Variants in IMPG2 observed in about 807,000 individuals in gnomAD.
IMPG2 encodes IPM 200.
A neutral mutation model predicts 129.2 loss-of-function variants in IMPG2; 91 were observed. The observed-to-expected ratio is 0.70, with a 90% CI of 0.59 to 0.84. The LOEUF (loss-of-function observed/expected upper bound fraction) is 0.84. IMPG2 is among the 40% of genes least tolerant of loss of function. The pLI, the probability that IMPG2 is intolerant of heterozygous loss-of-function variation, is 0.00. For synonymous variants in IMPG2, 510 were observed against 517.7 expected (o/e 0.99, Z 0.20); for missense variants, 1,430 against 1,461.7 (o/e 0.98, Z 0.35).
At chr3:101,230,336 A>C (rs1286903049) in intron 16 of IMPG2, among the ~76,000 whole-genome samples, 1 of 152,190 alleles carries the variant, frequency 6.6e-6, no homozygotes, top group African/African-American at 2.4e-5. Context: ...TTTCCCCATC[A>C]ATGAAGCAAC....
At chr3:101,254,301 A>T (rs72930587) in intron 10 of IMPG2, among the ~76,000 whole-genome samples, 3,288 of 152,256 alleles carry the variant, frequency 0.022, 113 homozygotes, top group African/African-American at 0.075. Context: ...TATTTCAACA[A>T]AAATTTAATG....
chr3:101,300,013 C>T (rs1038424672), intron 3 of IMPG2, among the ~76,000 whole-genome samples: 1 of 152,178 alleles, frequency 6.6e-6, no homozygotes, highest in East Asian at 1.9e-4. Flanking sequence ...AAGACTAAAT[C>T]TACCCGTCCG....
intron 9 of IMPG2, among the ~76,000 whole-genome samples, chr3:101,259,333 C>A (rs752926406): frequency 4.6e-5 from 7 of 152,066 alleles, no homozygotes; most frequent in Non-Finnish European, 1.0e-4. Context: ...CATTCCACAG[C>A]AGCAAACTAT....
At position 101,267,500 on chromosome 3, in the gene IMPG2, C is replaced by T. The variant is rs1483778676; in HGVS notation, c.908+11G>A. 4 of 1,610,284 alleles carry T rather than the reference C, an allele frequency of 2.5e-6. No homozygotes were observed. Among genetic ancestry groups the T allele is most frequent in the Non-Finnish European group, 3.4e-6 (4 of 1,176,748 alleles). On this transcript the variant is annotated intron_variant, in intron 9 of 18. Coordinates refer to ENST00000193391, the MANE Select transcript of IMPG2 (RefSeq NM_016247.4). ...AATTCAATGGACATTAGAGAAAGTG[C>T]CAAAAAGTACCTGTCATTTTCCTTG...
chr3:101,305,434 C>G (rs993059491), intron 2 of IMPG2, among the ~76,000 whole-genome samples: 3 of 151,984 alleles, frequency 2.0e-5, no homozygotes, highest in Non-Finnish European at 2.9e-5. Flanking sequence ...TTGTCAAAAC[C>G]CATAGAATGT....
At chr3:101,227,219 T>C (rs1167366213) in intron 18 of IMPG2, among the ~76,000 whole-genome samples, 2 of 152,218 alleles carry the variant, frequency 1.3e-5, no homozygotes, top group Admixed American at 6.5e-5. Context: ...GGCTACCTGA[T>C]AGATGAAAAC....
chr3:101,292,660 C>G (rs479522), intron 3 of IMPG2, among the ~76,000 whole-genome samples: 109,192 of 152,024 alleles, frequency 0.72, 40,369 homozygotes, highest in East Asian at 0.83. Context: ...GAATTTGGCC[C>G]CATCAATTGA....
At chr3:101,313,713 A>C (rs1377645614) in intron 2 of IMPG2, among the ~76,000 whole-genome samples, 1 of 152,126 alleles carries the variant, frequency 6.6e-6, no homozygotes, top group Non-Finnish European at 1.5e-5. Context: ...AGAATTGTGG[A>C]GCCCAAAGCA....
Position 101,253,595 on chromosome 3 carries a change from T to G in IMPG2, c.1239+101A>C, listed in dbSNP as rs954857922. On this transcript the variant is annotated intron_variant, in intron 11 of 18. Coordinates refer to ENST00000193391, the MANE Select transcript of IMPG2 (RefSeq NM_016247.4). The stretch of plus-strand genomic sequence containing the variant: ...GGATGATGCAAGAGAATAATTGAAA[T>G]GAGAACAGCTTGGGAAATTTATAAT... The G allele has an allele frequency of 1.6e-5, 13 of 800,836 alleles. No individual in the cohort carries two copies. In the African/African-American group the frequency reaches 2.2e-4, roughly 14 times the overall value. 49.6% of individuals were successfully genotyped at this position (800,836 alleles called of 1,614,324 possible). A position where few individuals can be genotyped will look rare whatever the true frequency, so the allele number is the denominator to read the frequency against.
At position 101,276,546 on chromosome 3, in the gene IMPG2, A is replaced by T. The variant is rs568537347; in HGVS notation, c.583+118T>A. 4 of 722,442 alleles carry T rather than the reference A, an allele frequency of 5.5e-6. No homozygotes were observed. In the East Asian group the frequency reaches 8.0e-5, roughly 15 times the overall value. 44.8% of individuals were successfully genotyped at this position (722,442 alleles called of 1,614,324 possible). ...TCTTGAGACTCTTGAAAAACGTATT[A>T]AAAAAGAGAAATCTGATATTTTTAA... is the stretch of plus-strand genomic sequence containing the variant. On this transcript the variant is annotated intron_variant, in intron 5 of 18. Coordinates refer to ENST00000193391, the MANE Select transcript of IMPG2 (RefSeq NM_016247.4).
At chr3:101,310,686 T>C (rs572369708) in intron 2 of IMPG2, among the ~76,000 whole-genome samples, 108 of 152,290 alleles carry the variant, frequency 7.1e-4, no homozygotes, top group African/African-American at 2.3e-3. Flanking sequence ...ACATCATTCT[T>C]TCACTTTTCT....
Position 101,244,522 on chromosome 3 carries a change from T to C in IMPG2, c.1809A>G (p.Ser603=). The change falls in exon 13 of 19, where the codon TCA becomes TCG. Residue 603 remains serine (S), a synonymous_variant. Transcript: ENST00000193391. ...KELIFDGGLG[S]GSGQKVDLIT... ...TCAGATCTACCTTTTGCCCAGACCCTGAACCTAAACCACCGTCAAATATTA... is the reference window on the plus strand; with the variant it reads ...TCAGATCTACCTTTTGCCCAGACCCCGAACCTAAACCACCGTCAAATATTA... 1 of 1,603,760 alleles carries C rather than the reference T, an allele frequency of 6.2e-7. No individual in the cohort carries two copies. Among genetic ancestry groups the C allele is most frequent in the Non-Finnish European group, 8.5e-7 (1 of 1,174,176 alleles).
At chr3:101,245,323 CT>C in intron 12 of IMPG2, among the ~76,000 whole-genome samples, 1 of 152,208 alleles carries the variant, frequency 6.6e-6, no homozygotes, top group Non-Finnish European at 1.5e-5. Context: ...TCTAGATTAT[CT>C]ATTTCATTTT....
chr3:101,232,742 C>G, intron 15 of IMPG2, 39 bp downstream of exon 15: 1 of 1,552,242 alleles, frequency 6.4e-7, no homozygotes, highest in Admixed American at 1.7e-5. Flanking sequence ...GAGGAAATAT[C>G]TATAGCCTCT....
At chr3:101,246,925 G>T (rs542196715) in intron 11 of IMPG2, among the ~76,000 whole-genome samples, 3 of 151,812 alleles carry the variant, frequency 2.0e-5, no homozygotes, top group Admixed American at 6.6e-5. Context: ...TAGCAAGACC[G>T]CATCTCAACA....
Position 101,244,651 on chromosome 3 carries a change from A to G in IMPG2, c.1680T>C (p.Tyr560=), listed in dbSNP as rs758291149. 2.2e-5 allele frequency: 35 copies of G among 1,613,752 alleles called. No homozygotes were observed. The South Asian group carries it at 3.7e-4, about 17-fold the overall frequency. Residue 560 remains tyrosine (Y), a synonymous_variant, in exon 13 of 19, where the codon TAT becomes TAC. Coordinates refer to ENST00000193391, the MANE Select transcript of IMPG2 (RefSeq NM_016247.4). The part of the protein sequence containing the change: ...DSDVSLTSSP[Y]LTSSIPFGLD... ...AGCCAAAAGGTATAGAAGAGGTCAGATATGGTGAAGATGTTAAGGACACAT... is the reference window on the plus strand; with the variant it reads ...AGCCAAAAGGTATAGAAGAGGTCAGGTATGGTGAAGATGTTAAGGACACAT...
At chr3:101,229,320 G>GGA in intron 17 of IMPG2, 60 bp downstream of exon 17, 1 of 519,344 alleles carries the variant, frequency 1.9e-6, no homozygotes, top group Non-Finnish European at 3.0e-6. Flanking sequence ...ACCACCCCCT[G>GGA]CTCCCCCACA....
At chr3:101,315,502 A>G (rs569144579) in intron 2 of IMPG2, among the ~76,000 whole-genome samples, 1 of 152,248 alleles carries the variant, frequency 6.6e-6, no homozygotes, top group Admixed American at 6.5e-5. Context: ...GCACAAAATT[A>G]TCAAAAATAT....
Position 101,281,445 on chromosome 3 carries a change from G to A in IMPG2, c.534-4732C>T, listed in dbSNP as rs143897236. The stretch of plus-strand genomic sequence containing the variant: ...GACAGAATTTAAGGTCCTGAATACA[G>A]GCAGAAAATGTTCTTTTTAAGAGTT... On this transcript the variant is annotated intron_variant, in intron 4 of 18. Transcript: ENST00000193391. Among the ~76,000 whole-genome samples, 530 of 152,290 alleles carry A rather than the reference G, an allele frequency of 3.5e-3. 3 individuals are homozygous for A. The highest frequency in any genetic ancestry group is 0.017 in the Middle Eastern group (5 of 294).
Sources: allele counts gnomAD v4.1 joint callset (sites outside exome capture counted in the v4.1 genomes callset), GRCh38; gene constraint gnomAD v4.1.1; transcripts MANE v1.5; gene names NCBI Gene and HGNC (gene_info 2026-07-23, HGNC 2026-07-21).